Variants in ABAT observed in about 807,000 individuals in gnomAD.
ABAT encodes 4-aminobutyrate aminotransferase, mitochondrial.
A neutral mutation model predicts 64.6 loss-of-function variants in ABAT; 45 were observed. The observed-to-expected ratio is 0.70, with a 90% confidence interval of 0.55 to 0.89. The LOEUF (loss-of-function observed/expected upper bound fraction) is 0.89. Ranked by LOEUF, ABAT falls within the 40% of genes least tolerant of loss-of-function variation. The pLI is 0.00. For synonymous variants in ABAT, 297 were observed against 250.5 expected (o/e 1.19, Z -1.75); for missense variants, 633 against 658.4 (o/e 0.96, Z 0.42).
intron 11 of ABAT, among the ~76,000 whole-genome samples, chr16:8,771,449 C>T (rs1434808919): frequency 7.3e-6 from 1 of 136,572 alleles, no homozygotes; most frequent in East Asian, 2.1e-4. Flanking sequence ...TCTAGGTGTA[C>T]GGTTTAGGGT....
intron 1 of ABAT, among the ~76,000 whole-genome samples, chr16:8,733,711 C>G (rs1490729129): frequency 6.6e-6 from 1 of 151,828 alleles, no homozygotes; most frequent in Non-Finnish European, 1.5e-5. Context: ...ATCGCAGGCA[C>G]TCGGCAGGCT....
intron 5 of ABAT, among the ~76,000 whole-genome samples, chr16:8,755,385 G>C (rs1255405402): frequency 6.6e-6 from 1 of 152,214 alleles, no homozygotes; most frequent in Non-Finnish European, 1.5e-5. Flanking sequence ...CAGAGGTGAT[G>C]TGGCCACTTC....
chr16:8,706,721 G>C (rs76716802), intron 1 of ABAT, among the ~76,000 whole-genome samples: 2,167 of 152,182 alleles, frequency 0.014, 33 homozygotes, highest in Non-Finnish European at 0.022. Flanking sequence ...TCAAAAAAAA[G>C]ATACTCATGC....
intron 1 of ABAT, among the ~76,000 whole-genome samples, chr16:8,681,018 G>A (rs1027486237): frequency 2.1e-5 from 3 of 145,410 alleles, no homozygotes; most frequent in Non-Finnish European, 3.0e-5. Context: ...CACCCTGTCT[G>A]TCACCCAAGC....
chr16:8,683,464 C>T (rs1052597664), intron 1 of ABAT: 1 of 150,878 alleles, frequency 6.6e-6, no homozygotes, highest in South Asian at 2.1e-4. Flanking sequence ...CAGAGCAGGT[C>T]AAAACTCCTG....
intron 1 of ABAT, among the ~76,000 whole-genome samples, chr16:8,734,728 A>G (rs763866205): frequency 2.1e-4 from 32 of 152,210 alleles, no homozygotes; most frequent in Non-Finnish European, 4.1e-4. Flanking sequence ...CTGAGATACA[A>G]TACCATTTAT....
At chr16:8,705,441 G>C (rs1488357086) in intron 1 of ABAT, 1 of 152,196 alleles carries the variant, frequency 6.6e-6, no homozygotes, top group Non-Finnish European at 1.5e-5. Flanking sequence ...TGGGGACACA[G>C]AGCCAAACCA....
At position 8,776,434 on chromosome 16, in the gene ABAT, C is replaced by A. The variant is rs2142998309; in HGVS notation, c.1213C>A (p.Leu405Ile). The change falls in exon 14 of 16, where the codon CTA (leucine) becomes ATA (isoleucine). Residue 405 changes from leucine to isoleucine, a missense_variant. Transcript: ENST00000268251. The surrounding 1 kb of genome is among the most constrained non-coding windows in gnomAD (Gnocchi z 4.4). ...CAACATCATCAAGCGGGAGGACCTG[C>A]TAAATAATGCAGCCCATGCCGGGAA... Reference protein sequence around the residue: ...VINIIKREDLLNNAAHAGKAL... With the variant: ...VINIIKREDLINNAAHAGKAL... 3.7e-6 allele frequency: 6 copies of A among 1,614,172 alleles called. No individual in the cohort carries two copies. The East Asian group carries it at 1.3e-4, about 36-fold the overall frequency.
At chr16:8,762,352 A>G (rs1006269014) in intron 6 of ABAT, among the ~76,000 whole-genome samples, 11 of 152,208 alleles carry the variant, frequency 7.2e-5, no homozygotes, top group Non-Finnish European at 1.6e-4. Context: ...TCTTCCTTTG[A>G]GACTGAACTC....
chr16:8,765,457 A>G (rs962229739), intron 8 of ABAT, among the ~76,000 whole-genome samples: 1 of 152,088 alleles, frequency 6.6e-6, no homozygotes. Flanking sequence ...TGAGTCCAAG[A>G]GTTCAAGACC....
rs779925920 is a variant in ABAT at position 8,781,847 on chromosome 16, G to A, written c.*417G>A. ...CTCAAGTGCCATATTCTGTGATCAC[G>A]GATGTTGGCTCCCCCTCGCCCTATG... On this transcript the variant is annotated 3_prime_UTR_variant, in exon 16 of 16. Coordinates refer to ENST00000268251, the MANE Select transcript of ABAT (RefSeq NM_020686.6). The surrounding 1 kb of genome is among the most constrained non-coding windows in gnomAD (Gnocchi z 4.5). 2.0e-5 allele frequency: 7 copies of A among 345,202 alleles called. No homozygotes were observed. The highest frequency in any genetic ancestry group is 7.5e-5 in the East Asian group (1 of 13,368). 21.4% of individuals were successfully genotyped at this position (345,202 alleles called of 1,614,324 possible).
chr16:8,753,715 G>T (rs1044968979), intron 5 of ABAT, among the ~76,000 whole-genome samples: 1 of 152,158 alleles, frequency 6.6e-6, no homozygotes, highest in Admixed American at 6.6e-5. Flanking sequence ...TGAGTAAGGT[G>T]TACTTTTCAG....
intron 1 of ABAT, among the ~76,000 whole-genome samples, chr16:8,732,754 G>T (rs2058771154): frequency 6.6e-6 from 1 of 150,568 alleles, no homozygotes; most frequent in Admixed American, 6.6e-5. Context: ...CCCAGACGGG[G>T]TGGTGGCCGG....
chr16:8,700,072 C>T (rs1455930606), intron 1 of ABAT, among the ~76,000 whole-genome samples: 5 of 152,166 alleles, frequency 3.3e-5, no homozygotes, highest in Admixed American at 2.6e-4. Flanking sequence ...CCACCCACCT[C>T]TGCCTCCCAA....
intron 2 of ABAT, among the ~76,000 whole-genome samples, chr16:8,741,518 A>T (rs1362495194): frequency 6.6e-6 from 1 of 152,216 alleles, no homozygotes; most frequent in Admixed American, 6.5e-5. Flanking sequence ...GTTTGTGAGA[A>T]TTAAATGAGA....
chr16:8,691,711 G>A (rs2057586874), intron 1 of ABAT, among the ~76,000 whole-genome samples: 1 of 152,132 alleles, frequency 6.6e-6, no homozygotes, highest in African/African-American at 2.4e-5. Context: ...AAAGTGCTGG[G>A]ATTACAGGTG....
chr16:8,682,184 G>GAC (rs1210693818), intron 1 of ABAT, among the ~76,000 whole-genome samples: 107 of 87,666 alleles, frequency 1.2e-3, no homozygotes, highest in African/African-American at 4.2e-3. Context: ...TGCCTAACAG[G>GAC]ATACACACAC....
chr16:8,779,838 T>C (rs189011816), intron 15 of ABAT, among the ~76,000 whole-genome samples: 186 of 152,254 alleles, frequency 1.2e-3, no homozygotes, highest in African/African-American at 4.1e-3. Context: ...ACAGTTACAG[T>C]GATGATGAAG....
chr16:8,722,776 T>A, intron 1 of ABAT: 7 of 1,284,984 alleles, frequency 5.4e-6, no homozygotes, highest in Non-Finnish European at 7.1e-6. Context: ...GATGCGCCCA[T>A]CCAGGGTCTA....
Sources: allele counts gnomAD v4.1 joint callset (sites outside exome capture counted in the v4.1 genomes callset), GRCh38; gene constraint gnomAD v4.1.1; non-coding constraint Gnocchi (gnomAD v3.1); transcripts MANE v1.5; gene names NCBI Gene and HGNC (gene_info 2026-07-23, HGNC 2026-07-21).